The following FOXP2 variants were observed in gnomAD, a reference collection of about 807,000 sequenced individuals.
The protein encoded by FOXP2 is forkhead box P2, also known as forkhead box protein P2.
Under a neutral mutation model 115.8 loss-of-function variants are expected in FOXP2, and 12 were observed. The observed-to-expected ratio is 0.10, with a 90% CI of 0.07 to 0.17. The LOEUF is 0.17. Ranked by LOEUF, FOXP2 falls within the 10% of genes least tolerant of loss-of-function variation. The probability of loss-of-function intolerance (pLI) is 1.00; values close to 1 mark genes in which losing one functional copy is unlikely to be tolerated. For synonymous variants in FOXP2, 328 were observed against 297.7 expected (o/e 1.10, Z -1.05); for missense variants, 629 against 843.5 (o/e 0.75, Z 3.15).
intron 1 of FOXP2, among the ~76,000 whole-genome samples, chr7:114,283,509 A>G (rs1163031919): frequency 6.6e-6 from 1 of 151,422 alleles, no homozygotes; most frequent in Non-Finnish European, 1.5e-5. Context: ...TTTAGAAAAC[A>G]ATTAAATGAC....
rs1319688291 is a variant in FOXP2 at position 114,691,148 on chromosome 7, G to C, written c.*1222G>C. 4 of 453,904 alleles carry C rather than the reference G, an allele frequency of 8.8e-6. No homozygotes were observed. The highest frequency in any genetic ancestry group is 2.4e-5 in the Admixed American group (1 of 42,544). The allele number at this position is 453,904 out of a possible 1,614,324, so 28.1% of individuals were successfully genotyped here. ...CATATTGTTATATATATAGTACTTT[G>C]TGTTTTTGTTTTCCCTCATTCAGTC... On this transcript the variant is annotated 3_prime_UTR_variant, in exon 17 of 17. Transcript: ENST00000350908.
chr7:114,252,197 AT>A (rs796220000), intron 1 of FOXP2, among the ~76,000 whole-genome samples: 1 of 151,838 alleles, frequency 6.6e-6, no homozygotes, highest in Non-Finnish European at 1.5e-5. Flanking sequence ...GTTTGCCAGT[AT>A]TTTTTTTGAG....
chr7:114,497,093 T>G (rs889929745), intron 2 of FOXP2, among the ~76,000 whole-genome samples: 1 of 152,190 alleles, frequency 6.6e-6, no homozygotes, highest in African/African-American at 2.4e-5. Flanking sequence ...GAGTTCAAAG[T>G]TGATAGGTAA....
intron 2 of FOXP2, among the ~76,000 whole-genome samples, chr7:114,505,776 C>T (rs1166757084): frequency 1.3e-5 from 2 of 151,526 alleles, no homozygotes; most frequent in Non-Finnish European, 3.0e-5. Context: ...AGTTACACCT[C>T]TCTTTAATTG....
chr7:114,498,829 T>C, intron 2 of FOXP2: 1 of 717,574 alleles, frequency 1.4e-6, no homozygotes, highest in Non-Finnish European at 2.6e-6. Context: ...TCATGTTGGG[T>C]GGTTGGCTTT....
At chr7:114,307,029 T>A (rs1446925016) in intron 2 of FOXP2, among the ~76,000 whole-genome samples, 2 of 152,136 alleles carry the variant, frequency 1.3e-5, no homozygotes, top group African/African-American at 4.8e-5. Flanking sequence ...CAATCTTAAT[T>A]CCTTTTTGCT....
At chr7:114,677,565 A>T (rs147194858) in intron 16 of FOXP2, among the ~76,000 whole-genome samples, 1 of 152,326 alleles carries the variant, frequency 6.6e-6, no homozygotes, top group East Asian at 1.9e-4. Flanking sequence ...ATCTAAAAGG[A>T]TAAACTTTCC....
intron 1 of FOXP2, among the ~76,000 whole-genome samples, chr7:114,123,504 G>T (rs750028239): frequency 2.0e-5 from 3 of 151,988 alleles, no homozygotes; most frequent in Non-Finnish European, 4.4e-5. Flanking sequence ...TACCAATATG[G>T]AAAAGGCAAC....
At chr7:114,450,912 C>CATGTAAAACACAAGTTGGTTTAATTTTTT (rs1795046334) in intron 2 of FOXP2, among the ~76,000 whole-genome samples, 5 of 152,052 alleles carry the variant, frequency 3.3e-5, no homozygotes, top group African/African-American at 9.6e-5. Context: ...TGTCTCTGTT[C>CATGTAAAACACAAGTTGGTTTAATTTTTT]ATGTAAAACA....
intron 1 of FOXP2, among the ~76,000 whole-genome samples, chr7:114,272,719 G>A (rs1796097066): frequency 6.6e-6 from 1 of 151,552 alleles, no homozygotes; most frequent in African/African-American, 2.4e-5. Flanking sequence ...TAAGTTTCTG[G>A]GCATAGAATT....
intron 6 of FOXP2, among the ~76,000 whole-genome samples, chr7:114,637,345 C>G (rs1805276841): frequency 6.6e-6 from 1 of 152,012 alleles, no homozygotes; most frequent in Non-Finnish European, 1.5e-5. Context: ...TTTTTTGTGG[C>G]CACGGAATTT....
At chr7:114,243,916 G>GC (rs369574275) in intron 1 of FOXP2, among the ~76,000 whole-genome samples, 1 of 144,616 alleles carries the variant, frequency 6.9e-6, no homozygotes, top group Admixed American at 6.9e-5. Context: ...TTTTTAGCTT[G>GC]TTTTTTTTTT....
intron 1 of FOXP2, among the ~76,000 whole-genome samples, chr7:114,143,878 G>A (rs1311398551): frequency 1.3e-5 from 2 of 151,742 alleles, no homozygotes; most frequent in African/African-American, 4.8e-5. Context: ...ACTTATGCTG[G>A]TTCTACTTAA....
chr7:114,246,227 G>C (rs561504597), intron 1 of FOXP2, among the ~76,000 whole-genome samples: 1 of 152,032 alleles, frequency 6.6e-6, no homozygotes, highest in African/African-American at 2.4e-5. Flanking sequence ...CTTTGAATAA[G>C]AGCAGTTTTC....
chr7:114,359,834 C>T (rs1347738919), intron 2 of FOXP2, among the ~76,000 whole-genome samples: 1 of 152,146 alleles, frequency 6.6e-6, no homozygotes, highest in Admixed American at 6.5e-5. Flanking sequence ...TTTACAGGCT[C>T]ATAGGTGGAA....
chr7:114,263,528 A>G (rs1795815033), intron 1 of FOXP2, among the ~76,000 whole-genome samples: 1 of 150,278 alleles, frequency 6.7e-6, no homozygotes, highest in African/African-American at 2.5e-5. Context: ...ATCATAGCTC[A>G]CTGTAACCTT....
At chr7:114,440,612 T>C (rs1794556556) in intron 2 of FOXP2, among the ~76,000 whole-genome samples, 1 of 152,204 alleles carries the variant, frequency 6.6e-6, no homozygotes, top group South Asian at 2.1e-4. Context: ...GAAATATCCA[T>C]AGAACAATCT....
chr7:114,110,192 G>A (rs185688074), intron 1 of FOXP2, among the ~76,000 whole-genome samples: 4 of 152,008 alleles, frequency 2.6e-5, no homozygotes, highest in Admixed American at 6.6e-5. Flanking sequence ...TCTAACCTCC[G>A]TAGTCCAGAG....
intron 2 of FOXP2, among the ~76,000 whole-genome samples, chr7:114,292,800 T>G (rs574656296): frequency 2.1e-4 from 32 of 152,328 alleles, no homozygotes; most frequent in African/African-American, 7.2e-4. Context: ...GTGTGTTTCT[T>G]ACAATGTTGC....
Sources: gnomAD v4.1 joint callset for allele counts (sites outside exome capture counted in the v4.1 genomes callset) on GRCh38, gnomAD v4.1.1 for gene constraint, MANE v1.5 for transcripts, NCBI Gene and HGNC (gene_info 2026-07-23, HGNC 2026-07-21) for gene names.